NTM: variants seen among roughly 807,000 people sequenced by gnomAD.
The protein encoded by NTM is IgLON family member 2.
In NTM, 13 loss-of-function variants were observed where a neutral mutation model predicts 42.1. The observed-to-expected ratio is 0.31, with a 90% CI of 0.20 to 0.49. The LOEUF is 0.49. NTM is among the 20% of genes least tolerant of loss of function. The pLI is 0.99. For synonymous variants in NTM, 187 were observed against 179.2 expected (o/e 1.04, Z -0.35); for missense variants, 373 against 452.8 (o/e 0.82, Z 1.60).
intron 1 of NTM, among the ~76,000 whole-genome samples, chr11:131,810,089 C>T (rs923626161): frequency 9.9e-5 from 15 of 152,002 alleles, no homozygotes; most frequent in Non-Finnish European, 1.9e-4. Flanking sequence ...TTCGTCTTCT[C>T]GAGAAAGAGG....
At chr11:132,248,254 C>CT (rs1006599618) in intron 4 of NTM, among the ~76,000 whole-genome samples, 1 of 152,164 alleles carries the variant, frequency 6.6e-6, no homozygotes, top group Non-Finnish European at 1.5e-5. Flanking sequence ...TAATAATAGT[C>CT]TTTTTCTGAT....
At chr11:131,611,714 G>A (rs1005380940) in intron 1 of NTM, among the ~76,000 whole-genome samples, 7 of 152,212 alleles carry the variant, frequency 4.6e-5, no homozygotes, top group African/African-American at 1.7e-4. Flanking sequence ...ACCTCGTGCT[G>A]GAACTGGGCT....
chr11:132,103,512 A>G (rs1432164223), intron 2 of NTM, among the ~76,000 whole-genome samples: 1 of 152,226 alleles, frequency 6.6e-6, no homozygotes, highest in Non-Finnish European at 1.5e-5. Flanking sequence ...TGTATTATTT[A>G]GTGCAAAACT....
At chr11:132,249,293 G>A (rs2091646463) in intron 4 of NTM, among the ~76,000 whole-genome samples, 1 of 152,190 alleles carries the variant, frequency 6.6e-6, no homozygotes, top group Non-Finnish European at 1.5e-5. Context: ...GTGTGTATGT[G>A]TGTGTGAGGG....
chr11:131,683,880 G>A (rs757903063), intron 1 of NTM, among the ~76,000 whole-genome samples: 12 of 152,296 alleles, frequency 7.9e-5, no homozygotes, highest in Admixed American at 2.6e-4. Context: ...GCCCTGGTGC[G>A]TGTTGCTTTG....
At chr11:132,320,236 G>C (rs957539326) in intron 7 of NTM, among the ~76,000 whole-genome samples, 1 of 152,218 alleles carries the variant, frequency 6.6e-6, no homozygotes, top group Non-Finnish European at 1.5e-5. Flanking sequence ...GCAGAAGATG[G>C]GTGATTTCTG....
chr11:131,490,063 G>C (rs1219606238), intron 1 of NTM, among the ~76,000 whole-genome samples: 1 of 152,172 alleles, frequency 6.6e-6, no homozygotes, highest in African/African-American at 2.4e-5. Context: ...GCAAGGGTTG[G>C]GGGAGGTGCC....
chr11:131,565,781 A>G (rs1056092404), intron 1 of NTM, among the ~76,000 whole-genome samples: 2 of 152,264 alleles, frequency 1.3e-5, no homozygotes, highest in East Asian at 3.9e-4. Context: ...AACACCCTGG[A>G]CCTGGGGCAC....
At chr11:132,245,274 A>G (rs2090936391) in intron 4 of NTM, among the ~76,000 whole-genome samples, 1 of 151,934 alleles carries the variant, frequency 6.6e-6, no homozygotes, top group Non-Finnish European at 1.5e-5. Flanking sequence ...CAGGCGGGGG[A>G]GAGGTCAGAA....
At chr11:131,680,202 G>A (rs1222222444) in intron 1 of NTM, among the ~76,000 whole-genome samples, 3 of 152,052 alleles carry the variant, frequency 2.0e-5, no homozygotes, top group African/African-American at 7.2e-5. Context: ...CCTCACCAAG[G>A]GCTGGCCTGC....
chr11:131,684,459 G>A (rs534537402), intron 1 of NTM, among the ~76,000 whole-genome samples: 41 of 152,218 alleles, frequency 2.7e-4, no homozygotes, highest in Non-Finnish European at 3.4e-4. Flanking sequence ...TGAGCTGCTG[G>A]CAGCATCCCC....
intron 4 of NTM, among the ~76,000 whole-genome samples, chr11:132,228,915 C>T (rs1028512400): frequency 4.6e-5 from 7 of 152,152 alleles, no homozygotes; most frequent in African/African-American, 1.7e-4. Flanking sequence ...GCACTGTTGT[C>T]ATGCGGAGAG....
At chr11:131,381,296 C>G (rs1055293165) in intron 1 of NTM, among the ~76,000 whole-genome samples, 4 of 152,114 alleles carry the variant, frequency 2.6e-5, no homozygotes, top group African/African-American at 4.8e-5. Context: ...GTCTCTCTTC[C>G]ACAAAGCTGT....
At chr11:131,754,957 C>T (rs568592277) in intron 1 of NTM, among the ~76,000 whole-genome samples, 6 of 152,238 alleles carry the variant, frequency 3.9e-5, no homozygotes, top group African/African-American at 9.6e-5. Context: ...CAAAACTCTA[C>T]GATTCCATTT....
rs139434513 is a variant in NTM, at chr11:131,386,517, G to C, written c.82+15629G>C. 2.0e-3 allele frequency among the ~76,000 whole-genome samples: 305 copies of C among 152,376 alleles called. 4 individuals are homozygous for C. Among genetic ancestry groups the C allele is most frequent in the African/African-American group, 6.9e-3 (289 of 41,590 alleles). On this transcript the variant is annotated intron_variant, in intron 1 of 8. Coordinates refer to ENST00000683400, the MANE Select transcript of NTM (RefSeq NM_001352005.2). ...AAATTAACAGAAGAGATAATCAGCTGTCTGTGGTGTAGGAAGGAGGCAGGT... is the reference window on the plus strand; with the variant it reads ...AAATTAACAGAAGAGATAATCAGCTCTCTGTGGTGTAGGAAGGAGGCAGGT...
intron 1 of NTM, among the ~76,000 whole-genome samples, chr11:131,763,492 A>G (rs1350016918): frequency 6.6e-6 from 1 of 152,202 alleles, no homozygotes; most frequent in Non-Finnish European, 1.5e-5. Flanking sequence ...GATTAAATGT[A>G]TGCCACACAT....
intron 1 of NTM, among the ~76,000 whole-genome samples, chr11:131,589,185 G>GTGTGTGTGTGTGTGTT (rs1555158946): frequency 5.3e-5 from 8 of 151,958 alleles, no homozygotes; most frequent in African/African-American, 1.9e-4. Flanking sequence ...GTGTGTGTGT[G>GTGTGTGTGTGTGTGTT]TGTGTGTGTG....
At chr11:131,746,634 T>C (rs1202603120) in intron 1 of NTM, among the ~76,000 whole-genome samples, 24 of 152,250 alleles carry the variant, frequency 1.6e-4, no homozygotes, top group Admixed American at 1.6e-3. Flanking sequence ...TTGATAGAAC[T>C]GTGAGTATGC....
intron 2 of NTM, among the ~76,000 whole-genome samples, chr11:132,129,756 A>G (rs1028658609): frequency 1.2e-4 from 19 of 152,196 alleles, no homozygotes; most frequent in African/African-American, 4.3e-4. Flanking sequence ...CTAGGACTGT[A>G]TTAGAAAGAC....
Sources: allele counts gnomAD v4.1 joint callset (sites outside exome capture counted in the v4.1 genomes callset), GRCh38; gene constraint gnomAD v4.1.1; transcripts MANE v1.5; gene names NCBI Gene and HGNC (gene_info 2026-07-23, HGNC 2026-07-21).